TAFA1: variants seen among roughly 807,000 people sequenced by gnomAD.
TAFA1 encodes the protein TAFA chemokine like family member 1.
In TAFA1, 4 loss-of-function variants were observed where a neutral mutation model predicts 18.5. The ratio of observed to expected loss-of-function variants is 0.22; its 90% CI spans 0.11 to 0.49. The LOEUF (loss-of-function observed/expected upper bound fraction) is 0.49. TAFA1 is among the 20% of genes least tolerant of loss of function. The pLI, the probability that TAFA1 is intolerant of heterozygous loss-of-function variation, is 0.98. For synonymous variants in TAFA1, 56 were observed against 55.2 expected (o/e 1.01, Z -0.06); for missense variants, 147 against 169.0 (o/e 0.87, Z 0.72).
At chr3:68,463,822 A>G (rs148259742) in intron 3 of TAFA1, among the ~76,000 whole-genome samples, 80 of 152,228 alleles carry the variant, frequency 5.3e-4, no homozygotes, top group African/African-American at 1.9e-3. Context: ...TGAATTATGG[A>G]CCATAGCATT....
At chr3:68,279,320 C>T (rs551465439) in intron 2 of TAFA1, among the ~76,000 whole-genome samples, 2 of 152,098 alleles carry the variant, frequency 1.3e-5, no homozygotes, top group African/African-American at 4.8e-5. Context: ...CTTTTGCCAA[C>T]CTTGGAGCCC....
At chr3:68,336,895 C>G (rs192883014) in intron 2 of TAFA1, among the ~76,000 whole-genome samples, 184 of 152,152 alleles carry the variant, frequency 1.2e-3, no homozygotes, top group African/African-American at 3.9e-3. Flanking sequence ...AGCTAATTTT[C>G]TTATTTTTAG....
chr3:68,006,913 G>A (rs889442158), intron 2 of TAFA1, among the ~76,000 whole-genome samples, 169 bp downstream of exon 2: 1 of 152,170 alleles, frequency 6.6e-6, no homozygotes, highest in Non-Finnish European at 1.5e-5. Context: ...GTGCCAAAAT[G>A]TCTTGGAGGT....
intron 2 of TAFA1, among the ~76,000 whole-genome samples, chr3:68,210,967 AC>A (rs1191097275): frequency 6.6e-6 from 1 of 151,968 alleles, no homozygotes; most frequent in African/African-American, 2.4e-5. Context: ...AAGACAACCC[AC>A]ACACTTAACT....
intron 2 of TAFA1, among the ~76,000 whole-genome samples, chr3:68,186,617 C>T (rs1458609984): frequency 6.6e-6 from 1 of 152,038 alleles, no homozygotes; most frequent in African/African-American, 2.4e-5. Context: ...CCCATCCCCA[C>T]CTGGAGATAA....
At chr3:68,479,264 G>A (rs11920091) in intron 3 of TAFA1, among the ~76,000 whole-genome samples, 3,674 of 132,894 alleles carry the variant, frequency 0.028, 173 homozygotes, top group African/African-American at 0.1. Flanking sequence ...ATATATATAT[G>A]TCTGTACCCT....
intron 2 of TAFA1, among the ~76,000 whole-genome samples, chr3:68,374,266 G>A (rs1178599317): frequency 6.6e-6 from 1 of 152,134 alleles, no homozygotes; most frequent in Non-Finnish European, 1.5e-5. Context: ...CCAATCCACT[G>A]AGGTTTGGTA....
At chr3:68,114,827 T>G (rs2106844651) in intron 2 of TAFA1, among the ~76,000 whole-genome samples, 1 of 152,264 alleles carries the variant, frequency 6.6e-6, no homozygotes, top group East Asian at 1.9e-4. Context: ...GTAAAATGGA[T>G]AGTGATATAC....
At chr3:68,026,188 G>C (rs1167681609) in intron 2 of TAFA1, among the ~76,000 whole-genome samples, 1 of 151,862 alleles carries the variant, frequency 6.6e-6, no homozygotes, top group Non-Finnish European at 1.5e-5. Context: ...CAGGGGCCCT[G>C]GTCCTCTGAA....
chr3:68,376,424 A>G (rs1267799776), intron 2 of TAFA1, among the ~76,000 whole-genome samples: 2 of 151,914 alleles, frequency 1.3e-5, no homozygotes, highest in East Asian at 3.9e-4. Context: ...ACCCTCAAGT[A>G]GGCCCCTGTG....
At chr3:68,285,146 C>G (rs569137650) in intron 2 of TAFA1, among the ~76,000 whole-genome samples, 7 of 152,062 alleles carry the variant, frequency 4.6e-5, no homozygotes, top group Non-Finnish European at 8.8e-5. Context: ...ACTCAAAACA[C>G]TATATTGAGT....
At chr3:68,096,052 C>A (rs893077421) in intron 2 of TAFA1, among the ~76,000 whole-genome samples, 4 of 152,022 alleles carry the variant, frequency 2.6e-5, no homozygotes, top group Non-Finnish European at 2.9e-5. Flanking sequence ...TAACCAACTT[C>A]TTTTCATTCT....
At chr3:68,005,587 G>A (rs1704343593) in intron 1 of TAFA1, among the ~76,000 whole-genome samples, 2 of 152,132 alleles carry the variant, frequency 1.3e-5, no homozygotes, top group South Asian at 2.1e-4. Flanking sequence ...CGTTTTCAAC[G>A]TATAGTTGAG....
intron 2 of TAFA1, among the ~76,000 whole-genome samples, chr3:68,226,233 T>C (rs2066798502): frequency 6.6e-6 from 1 of 152,212 alleles, no homozygotes; most frequent in African/African-American, 2.4e-5. Context: ...TTGTGCCATA[T>C]GCCAATGCTA....
intron 3 of TAFA1, among the ~76,000 whole-genome samples, chr3:68,496,727 C>T (rs1305452392): frequency 6.6e-6 from 1 of 152,106 alleles, no homozygotes; most frequent in Non-Finnish European, 1.5e-5. Context: ...TGATGTGAGT[C>T]CTGGCTCTGC....
intron 3 of TAFA1, among the ~76,000 whole-genome samples, chr3:68,464,051 T>C (rs2071835489): frequency 6.6e-6 from 1 of 152,202 alleles, no homozygotes; most frequent in Admixed American, 6.6e-5. Flanking sequence ...AGGTAGGATG[T>C]TATTTCATTT....
At chr3:68,319,915 A>G (rs149178409) in intron 2 of TAFA1, among the ~76,000 whole-genome samples, 2 of 152,302 alleles carry the variant, frequency 1.3e-5, no homozygotes, top group African/African-American at 4.8e-5. Flanking sequence ...TTTCATAGTA[A>G]CACTAGAATG....
At chr3:68,331,768 A>T (rs1307158758) in intron 2 of TAFA1, among the ~76,000 whole-genome samples, 1 of 152,098 alleles carries the variant, frequency 6.6e-6, no homozygotes, top group Non-Finnish European at 1.5e-5. Context: ...AACAGAAAGG[A>T]CAGAAGTAAA....
intron 2 of TAFA1, among the ~76,000 whole-genome samples, chr3:68,122,895 A>G (rs1228321667): frequency 6.6e-6 from 1 of 151,732 alleles, no homozygotes; most frequent in Non-Finnish European, 1.5e-5. Flanking sequence ...TTACATCTAT[A>G]TATATTAAAT....
Sources: allele counts gnomAD v4.1 joint callset (sites outside exome capture counted in the v4.1 genomes callset), GRCh38; gene constraint gnomAD v4.1.1; transcripts MANE v1.5; gene names NCBI Gene and HGNC (gene_info 2026-07-23, HGNC 2026-07-21).